Variants in DOCK10 observed in about 807,000 individuals in gnomAD.
DOCK10 encodes dedicator of cytokinesis 10.
DOCK10 carries 145 observed loss-of-function variants against 280.1 expected under a neutral mutation model. The ratio of observed to expected loss-of-function variants is 0.52; its 90% CI spans 0.45 to 0.59. The LOEUF (loss-of-function observed/expected upper bound fraction) is 0.59, where lower values mean the gene tolerates loss of function less well. DOCK10 is among the 20% of genes least tolerant of loss of function. The probability of loss-of-function intolerance (pLI) is 0.00; values close to 1 mark genes in which losing one functional copy is unlikely to be tolerated. For synonymous variants in DOCK10, 915 were observed against 942.2 expected (o/e 0.97, Z 0.53); for missense variants, 2,368 against 2,651.7 (o/e 0.89, Z 2.35).
chr2:224,950,309 G>A (rs76086938), intron 1 of DOCK10, among the ~76,000 whole-genome samples: 2,272 of 152,300 alleles, frequency 0.015, 54 homozygotes, highest in African/African-American at 0.052. Context: ...AATTTACTGA[G>A]CAAGTACTAT....
intron 1 of DOCK10, among the ~76,000 whole-genome samples, chr2:224,957,286 C>CGCA (rs567289836): frequency 2.9e-5 from 1 of 34,410 alleles, no homozygotes; most frequent in Non-Finnish European, 7.7e-5. Flanking sequence ...TTACTTTCCG[C>CGCA]CCCCCCCCGG....
chr2:224,943,545 T>C (rs1703211550), intron 1 of DOCK10, among the ~76,000 whole-genome samples: 3 of 152,198 alleles, frequency 2.0e-5, no homozygotes, highest in Admixed American at 2.0e-4. Flanking sequence ...ACAGATATGA[T>C]AAGTATCTGC....
chr2:224,860,731 C>A (rs991307812), intron 14 of DOCK10: 1 of 151,902 alleles, frequency 6.6e-6, no homozygotes, highest in Non-Finnish European at 1.5e-5. Context: ...ATGCTACCAC[C>A]CTTGGTTAAT....
chr2:224,953,173 C>T (rs1703859883), intron 1 of DOCK10, among the ~76,000 whole-genome samples: 1 of 152,232 alleles, frequency 6.6e-6, no homozygotes, highest in South Asian at 2.1e-4. Flanking sequence ...CATTTCTTCC[C>T]ACTTCAGTTA....
At position 224,874,313 on chromosome 2, in the gene DOCK10, G is replaced by C. The variant is rs1297544137; in HGVS notation, c.1054C>G (p.Arg352Gly). ...AACAGATTTAGCCTCTCCATGTTTC[G>C]AGTTGTTTTTACAGTATCTTCTGTT... Reference protein sequence around the residue: ...TETEDTVKTTRNMERLNLFSL... With the variant: ...TETEDTVKTTGNMERLNLFSL... The change falls in exon 10 of 56, where the codon CGA becomes GGA. Residue 352 changes from arginine (R) to glycine (G), a missense_variant. Arg to Gly is a moderately radical substitution (Grantham distance 125). Around this residue, in one of 2 missense-constraint regions of DOCK10, gnomAD observed 1,209 missense variants for 1,250.9 expected, o/e 0.97. Coordinates refer to ENST00000258390, the MANE Select transcript of DOCK10 (RefSeq NM_014689.3). 2 of 1,612,930 alleles carry C rather than the reference G, an allele frequency of 1.2e-6. No individual in the cohort carries two copies. The highest frequency in any genetic ancestry group is 2.2e-5 in the East Asian group (1 of 44,878).
At chr2:224,906,224 T>C (rs1700624277) in intron 3 of DOCK10, among the ~76,000 whole-genome samples, 1 of 152,168 alleles carries the variant, frequency 6.6e-6, no homozygotes, top group Admixed American at 6.5e-5. Flanking sequence ...TCTTTACCAG[T>C]ACCACAATCG....
chr2:224,995,018 G>A (rs1018932873), intron 1 of DOCK10, among the ~76,000 whole-genome samples: 4 of 152,112 alleles, frequency 2.6e-5, no homozygotes, highest in Admixed American at 1.3e-4. Flanking sequence ...GCCCTCCCAC[G>A]GTTCACACAC....
intron 11 of DOCK10, among the ~76,000 whole-genome samples, chr2:224,871,687 C>A (rs115088327): frequency 0.015 from 2,217 of 152,204 alleles, 49 homozygotes; most frequent in African/African-American, 0.049. Context: ...ATTTGTACTT[C>A]TCTTTCTTCT....
chr2:224,907,425 C>T (rs891468712), intron 3 of DOCK10, among the ~76,000 whole-genome samples: 3 of 152,156 alleles, frequency 2.0e-5, no homozygotes, highest in East Asian at 3.8e-4. Flanking sequence ...CGGTGGCTCA[C>T]GCCTGTAATC....
At chr2:225,001,643 G>A (rs902328585) in intron 1 of DOCK10, among the ~76,000 whole-genome samples, 1 of 152,206 alleles carries the variant, frequency 6.6e-6, no homozygotes, top group Non-Finnish European at 1.5e-5. Context: ...TGGAAGGGCA[G>A]TGTCTTAGTC....
chr2:224,861,790 G>C (rs1697516929), intron 14 of DOCK10: 1 of 152,202 alleles, frequency 6.6e-6, no homozygotes, highest in Non-Finnish European at 1.5e-5. Context: ...TAGAGACAGA[G>C]CTTCACCATG....
At chr2:224,832,108 C>T in intron 26 of DOCK10, among the ~76,000 whole-genome samples, 1 of 152,234 alleles carries the variant, frequency 6.6e-6, no homozygotes, top group East Asian at 1.9e-4. Context: ...GCACCCCTTG[C>T]ATCCTCTCTG....
At chr2:224,937,618 A>G (rs1702763278) in intron 1 of DOCK10, among the ~76,000 whole-genome samples, 1 of 152,090 alleles carries the variant, frequency 6.6e-6, no homozygotes. Flanking sequence ...TCCTTCCAGA[A>G]TCTCCTGAGT....
intron 1 of DOCK10, among the ~76,000 whole-genome samples, chr2:224,941,003 C>T (rs1345444959): frequency 6.6e-6 from 1 of 152,068 alleles, no homozygotes; most frequent in Non-Finnish European, 1.5e-5. Flanking sequence ...GTAGAAATAA[C>T]AGTCACACCA....
At position 224,789,153 on chromosome 2, in the gene DOCK10, A is replaced by G; in HGVS notation, c.5329T>C (p.Trp1777Arg). 6.2e-7 allele frequency: 1 copy of G among 1,613,168 alleles called. No homozygotes were observed. Among genetic ancestry groups the G allele is most frequent in the South Asian group, 1.1e-5 (1 of 90,962 alleles). ...GGTGTAATGCTCAAAAAAGCTGGCC[A>G]TCCCATAGAGAACATGCCTTGGGAG... ...PSGGSMFSMGWPAFLSITPNI... is the reference protein window; with the variant it reads ...PSGGSMFSMGRPAFLSITPNI... Residue 1777 changes from tryptophan to arginine, a missense_variant, in exon 48 of 56, where the codon TGG (tryptophan) becomes CGG (arginine). Physicochemically the swap from Trp to Arg is moderately radical, Grantham distance 101 (BLOSUM62 -3). This residue lies in a region of DOCK10 where 1,159 missense variants were observed against 1,400.8 expected (regional missense o/e 0.83). Transcript: ENST00000258390.
At chr2:224,895,894 T>C (rs1165128154) in intron 4 of DOCK10, among the ~76,000 whole-genome samples, 1 of 151,428 alleles carries the variant, frequency 6.6e-6, no homozygotes, top group African/African-American at 2.4e-5. Context: ...TTTTCATGAC[T>C]TCTGATATCC....
At chr2:225,041,956 C>G (rs995660527) in intron 1 of DOCK10, among the ~76,000 whole-genome samples, 1 of 152,218 alleles carries the variant, frequency 6.6e-6, no homozygotes. Flanking sequence ...CCGGCCCCCT[C>G]GCGCCCCATT....
At chr2:224,935,767 T>C (rs371301375) in intron 1 of DOCK10, among the ~76,000 whole-genome samples, 2 of 152,188 alleles carry the variant, frequency 1.3e-5, no homozygotes, top group Non-Finnish European at 1.5e-5. Context: ...AAAGCATCAG[T>C]ATTATAAATT....
At chr2:225,009,152 A>G (rs763206399) in intron 1 of DOCK10, among the ~76,000 whole-genome samples, 4 of 152,210 alleles carry the variant, frequency 2.6e-5, no homozygotes, top group Non-Finnish European at 5.9e-5. Flanking sequence ...TTGAAAAACC[A>G]GGGTCGACGC....
Sources: allele counts gnomAD v4.1 joint callset (sites outside exome capture counted in the v4.1 genomes callset), GRCh38; gene constraint gnomAD v4.1.1; regional missense constraint gnomAD v4.1.1; transcripts MANE v1.5; gene names NCBI Gene and HGNC (gene_info 2026-07-23, HGNC 2026-07-21).